Variants in PSD3 observed in about 807,000 individuals in gnomAD.
PSD3 encodes PH and SEC7 domain-containing protein 3.
Under a neutral mutation model 105.5 loss-of-function variants are expected in PSD3, and 49 were observed. That is an observed-to-expected ratio of 0.46 (90% CI 0.37 to 0.59). PSD3 has a LOEUF of 0.59. Ranked by LOEUF, PSD3 falls within the 20% of genes least tolerant of loss-of-function variation. The pLI is 0.00. For missense variants in PSD3, 1,561 were observed against 1,263.8 expected (o/e 1.24, Z -3.57); for synonymous variants, 557 against 457.8 (o/e 1.22, Z -2.77).
intron 9 of PSD3, among the ~76,000 whole-genome samples, chr8:18,747,809 G>C (rs151210568): frequency 0.017 from 2,606 of 150,922 alleles, 37 homozygotes; most frequent in African/African-American, 0.029. Context: ...TCTTATCAAA[G>C]TGAGTAAAAA....
intron 1 of PSD3, among the ~76,000 whole-genome samples, chr8:19,036,372 G>A (rs140097719): frequency 6.6e-6 from 1 of 152,124 alleles, no homozygotes; most frequent in African/African-American, 2.4e-5. Context: ...GTCTGTCCTA[G>A]GTTGAAATTT....
At chr8:18,605,356 T>A (rs963769531) in intron 11 of PSD3, among the ~76,000 whole-genome samples, 1 of 138,850 alleles carries the variant, frequency 7.2e-6, no homozygotes, top group Non-Finnish European at 1.6e-5. Context: ...GGTTTCAGAC[T>A]TCTATGGAGC....
intron 4 of PSD3, among the ~76,000 whole-genome samples, chr8:18,835,218 G>A (rs927174930): frequency 3.9e-5 from 6 of 152,192 alleles, no homozygotes; most frequent in African/African-American, 1.4e-4. Context: ...TTTAAGAAAA[G>A]AATCATAAAC....
At chr8:18,725,802 G>C (rs1803299642) in intron 9 of PSD3, among the ~76,000 whole-genome samples, 1 of 152,004 alleles carries the variant, frequency 6.6e-6, no homozygotes, top group African/African-American at 2.4e-5. Context: ...GAGACTCTAG[G>C]CAACTCCCGA....
intron 9 of PSD3, among the ~76,000 whole-genome samples, chr8:18,659,360 T>G (rs528702921): frequency 3.9e-5 from 6 of 152,340 alleles, no homozygotes; most frequent in Admixed American, 1.3e-4. Context: ...TCCTTTCTGA[T>G]GGTAAGGGAA....
chr8:18,754,104 C>T (rs1432914157), intron 9 of PSD3, among the ~76,000 whole-genome samples: 1 of 152,136 alleles, frequency 6.6e-6, no homozygotes, highest in African/African-American at 2.4e-5. Context: ...TCAATTTAGG[C>T]CAGGTGCGGT....
chr8:18,678,138 T>A (rs1800175673), intron 9 of PSD3, among the ~76,000 whole-genome samples: 1 of 152,162 alleles, frequency 6.6e-6, no homozygotes, highest in Non-Finnish European at 1.5e-5. Context: ...AAAATAGGCT[T>A]CTGAAGATAA....
intron 1 of PSD3, among the ~76,000 whole-genome samples, chr8:18,978,991 G>A (rs1172033103): frequency 1.3e-5 from 2 of 152,144 alleles, no homozygotes; most frequent in African/African-American, 2.4e-5. Flanking sequence ...CCAGATGCCT[G>A]TGTTCCTTCT....
chr8:18,949,726 C>G (rs1479477476), intron 1 of PSD3, among the ~76,000 whole-genome samples: 1 of 152,004 alleles, frequency 6.6e-6, no homozygotes, highest in Non-Finnish European at 1.5e-5. Flanking sequence ...AAACTGAGCT[C>G]AGAGCATCTA....
intron 1 of PSD3, among the ~76,000 whole-genome samples, chr8:19,005,562 G>A (rs747872198): frequency 1.3e-5 from 2 of 151,980 alleles, no homozygotes; most frequent in Non-Finnish European, 2.9e-5. Context: ...CACACTGCAT[G>A]CAGCCTCAAC....
intron 1 of PSD3, among the ~76,000 whole-genome samples, chr8:18,953,026 C>T (rs1388684248): frequency 6.6e-6 from 1 of 152,182 alleles, no homozygotes; most frequent in Admixed American, 6.5e-5. Context: ...AACTCCAACA[C>T]ATCAATAACC....
At chr8:18,864,485 G>A (rs758512039) in intron 4 of PSD3, among the ~76,000 whole-genome samples, 14 of 152,154 alleles carry the variant, frequency 9.2e-5, no homozygotes, top group Non-Finnish European at 1.9e-4. Context: ...ACAAGCTAGC[G>A]ACTAACACTT....
chr8:19,061,578 T>G (rs1436727981), intron 1 of PSD3, among the ~76,000 whole-genome samples: 1 of 151,710 alleles, frequency 6.6e-6, no homozygotes, highest in Non-Finnish European at 1.5e-5. Flanking sequence ...GAGGCCAAGG[T>G]GGGCGGATCA....
chr8:18,915,524 G>A (rs1586412519), intron 2 of PSD3, among the ~76,000 whole-genome samples: 1 of 152,030 alleles, frequency 6.6e-6, no homozygotes, highest in Non-Finnish European at 1.5e-5. Flanking sequence ...TCAATAGCAA[G>A]AAAACAAATA....
At chr8:18,850,439 G>T (rs1441114377) in intron 4 of PSD3, among the ~76,000 whole-genome samples, 2 of 152,162 alleles carry the variant, frequency 1.3e-5, no homozygotes, top group Non-Finnish European at 2.9e-5. Context: ...GCGATGTCAA[G>T]ATCAGCAGAT....
At position 18,535,418 on chromosome 8, in the gene PSD3, A is replaced by G; in HGVS notation, c.*325T>C. The G allele has an allele frequency of 1.1e-5, 3 of 278,768 alleles. No individual in the cohort carries two copies. The South Asian group carries it at 1.9e-4, about 17-fold the overall frequency. 17.3% of individuals were successfully genotyped at this position (278,768 alleles called of 1,614,324 possible). On this transcript the variant is annotated 3_prime_UTR_variant, in exon 16 of 16. Coordinates refer to ENST00000327040, the MANE Select transcript of PSD3 (RefSeq NM_015310.4). The stretch of plus-strand genomic sequence containing the variant: ...CTTAAAAAAAAGTTTAACAGTTGAT[A>G]TGAGAATACATAAAACAACTGAGCA...
At chr8:18,743,957 T>TACCA (rs1210197387) in intron 9 of PSD3, among the ~76,000 whole-genome samples, 2,869 of 73,962 alleles carry the variant, frequency 0.039, 121 homozygotes, top group African/African-American at 0.13. Context: ...AAACTCTGTC[T>TACCA]CTCACCACCA....
intron 14 of PSD3, among the ~76,000 whole-genome samples, chr8:18,566,780 C>T (rs895567161): frequency 2.6e-5 from 4 of 152,024 alleles, no homozygotes; most frequent in Non-Finnish European, 4.4e-5. Flanking sequence ...TGTGATTATA[C>T]TACATATGCA....
In PSD3 at chr8:18,828,304, T is replaced by C. The variant is rs151305622; in HGVS notation, c.1635-23406A>G. On this transcript the variant is annotated intron_variant, in intron 4 of 15. Coordinates refer to ENST00000327040, the MANE Select transcript of PSD3 (RefSeq NM_015310.4). ...TCCACCCAAAAAATGACTTTAGTTTTATAGTTGCTGGTTCTTCCATTGAAG... is the reference window on the plus strand; with the variant it reads ...TCCACCCAAAAAATGACTTTAGTTTCATAGTTGCTGGTTCTTCCATTGAAG... Among the ~76,000 whole-genome samples the C allele has an allele frequency of 3.4e-4, 52 of 152,084 alleles. No individual in the cohort carries two copies. The East Asian group carries it at 8.5e-3, about 25-fold the overall frequency.
Sources: allele counts gnomAD v4.1 joint callset (sites outside exome capture counted in the v4.1 genomes callset), GRCh38; gene constraint gnomAD v4.1.1; transcripts MANE v1.5; gene names NCBI Gene and HGNC (gene_info 2026-07-23, HGNC 2026-07-21).